Variants in RSPO3 observed in about 807,000 individuals in gnomAD.
The protein encoded by RSPO3 is R-spondin-3.
RSPO3 carries 17 observed loss-of-function variants against 36.5 expected under a neutral mutation model. That is an observed-to-expected ratio of 0.47 (90% CI 0.32 to 0.70). The LOEUF (loss-of-function observed/expected upper bound fraction) is 0.70. Among genes scored for constraint, RSPO3 ranks in the 30% least tolerant of loss-of-function variants. The pLI is 0.04. For synonymous variants in RSPO3, 108 were observed against 107.0 expected (o/e 1.01, Z -0.06); for missense variants, 294 against 322.5 (o/e 0.91, Z 0.68).
chr6:127,197,689 T>G lies in RSPO3; in HGVS notation c.*1682T>G. The G allele has an allele frequency of 1.4e-6, 1 of 739,934 alleles. No homozygotes were observed. 45.8% of individuals were successfully genotyped at this position (739,934 alleles called of 1,614,324 possible). On this transcript the variant is annotated 3_prime_UTR_variant, in exon 5 of 5. Coordinates refer to ENST00000356698, the MANE Select transcript of RSPO3 (RefSeq NM_032784.5). Reference sequence around the variant, plus strand: ...CACCCGTTCTCCACCAGTTGTACAGTTCATGTAATCTACTTGGCTTAATTG... The same window carrying G: ...CACCCGTTCTCCACCAGTTGTACAGGTCATGTAATCTACTTGGCTTAATTG...
At chr6:127,123,230 G>A (rs1269238882) in intron 1 of RSPO3, among the ~76,000 whole-genome samples, 1 of 152,046 alleles carries the variant, frequency 6.6e-6, no homozygotes, top group East Asian at 1.9e-4. Flanking sequence ...CAAGTTAACT[G>A]ATAAAATAGA....
intron 1 of RSPO3, among the ~76,000 whole-genome samples, chr6:127,147,837 G>A (rs1582794727): frequency 6.6e-6 from 1 of 152,156 alleles, no homozygotes; most frequent in African/African-American, 2.4e-5. Context: ...TAGAAGATAA[G>A]GGCACAGAAA....
At chr6:127,153,072 A>C (rs1774522385) in intron 3 of RSPO3, among the ~76,000 whole-genome samples, 1 of 152,134 alleles carries the variant, frequency 6.6e-6, no homozygotes, top group South Asian at 2.1e-4. Flanking sequence ...AGCATCTTGC[A>C]CTGATGATCA....
chr6:127,157,053 C>G (rs975024310), intron 4 of RSPO3, among the ~76,000 whole-genome samples: 4 of 152,076 alleles, frequency 2.6e-5, no homozygotes, highest in African/African-American at 9.7e-5. Flanking sequence ...TTGATTAAAA[C>G]TTAGTTTAAG....
At chr6:127,138,690 C>G (rs1168691197) in intron 1 of RSPO3, among the ~76,000 whole-genome samples, 1 of 152,014 alleles carries the variant, frequency 6.6e-6, no homozygotes. Flanking sequence ...ATGAGGAAAC[C>G]TAGGCTCAAA....
Position 127,119,103 on chromosome 6 carries a change from G to A in RSPO3, c.-90G>A. On this transcript the variant is annotated 5_prime_UTR_variant, in exon 1 of 5. Coordinates refer to ENST00000356698, the MANE Select transcript of RSPO3 (RefSeq NM_032784.5). ...CGCTGCTCGGGCACTGTCTATATAC[G>A]CCTAACACCTACATATATTTTAAAA... 1 of 1,015,160 alleles carries A rather than the reference G, an allele frequency of 9.9e-7. No homozygotes were observed. The highest frequency in any genetic ancestry group is 1.5e-6 in the Non-Finnish European group (1 of 668,350). 62.9% of individuals were successfully genotyped at this position (1,015,160 alleles called of 1,614,324 possible).
chr6:127,142,766 T>C (rs921590246), intron 1 of RSPO3, among the ~76,000 whole-genome samples: 4 of 152,120 alleles, frequency 2.6e-5, no homozygotes, highest in African/African-American at 7.2e-5. Context: ...CTTTAACATT[T>C]TTATTATTCT....
At chr6:127,123,771 A>C (rs1438335958) in intron 1 of RSPO3, among the ~76,000 whole-genome samples, 2 of 152,090 alleles carry the variant, frequency 1.3e-5, no homozygotes, top group Non-Finnish European at 2.9e-5. Context: ...TGAACTTGCA[A>C]ATAGATAAGC....
At chr6:127,194,680 T>C (rs2114281587) in intron 4 of RSPO3, among the ~76,000 whole-genome samples, 1 of 152,354 alleles carries the variant, frequency 6.6e-6, no homozygotes, top group South Asian at 2.1e-4. Flanking sequence ...AAAATTCAGT[T>C]CTTCAAGTGG....
At chr6:127,170,092 A>G (rs1309280103) in intron 4 of RSPO3, among the ~76,000 whole-genome samples, 3 of 151,734 alleles carry the variant, frequency 2.0e-5, no homozygotes, top group African/African-American at 7.3e-5. Flanking sequence ...AAAAAAGTTG[A>G]GGCTTAAAAA....
intron 1 of RSPO3, among the ~76,000 whole-genome samples, chr6:127,136,096 G>C (rs1774152022): frequency 6.6e-6 from 1 of 152,168 alleles, no homozygotes; most frequent in Non-Finnish European, 1.5e-5. Context: ...GTGGAGCCAA[G>C]AGTAGAAATA....
intron 4 of RSPO3, among the ~76,000 whole-genome samples, chr6:127,176,366 A>G (rs1411362859): frequency 6.6e-6 from 1 of 151,784 alleles, no homozygotes; most frequent in Non-Finnish European, 1.5e-5. Flanking sequence ...CTAAGCAGAA[A>G]AGGAAGCCAA....
intron 4 of RSPO3, among the ~76,000 whole-genome samples, chr6:127,158,086 G>A (rs1002971495): frequency 3.7e-4 from 56 of 151,442 alleles, no homozygotes; most frequent in African/African-American, 1.2e-3. Flanking sequence ...TAACCTAAAT[G>A]ATAAGAACCC....
At chr6:127,128,588 T>C (rs1263805759) in intron 1 of RSPO3, among the ~76,000 whole-genome samples, 1 of 152,068 alleles carries the variant, frequency 6.6e-6, no homozygotes, top group Non-Finnish European at 1.5e-5. Context: ...ACAGACAAAA[T>C]AGACGTATGT....
At chr6:127,187,454 T>C (rs995025373) in intron 4 of RSPO3, among the ~76,000 whole-genome samples, 2 of 152,106 alleles carry the variant, frequency 1.3e-5, no homozygotes, top group Non-Finnish European at 2.9e-5. Context: ...GCAAAAGTAA[T>C]GAATAATATT....
intron 4 of RSPO3, among the ~76,000 whole-genome samples, chr6:127,157,258 C>G (rs541881594): frequency 2.5e-4 from 38 of 152,186 alleles, no homozygotes; most frequent in African/African-American, 8.9e-4. Context: ...GGTCTTTGCT[C>G]ATATCATTCT....
chr6:127,187,112 G>A (rs899878243), intron 4 of RSPO3, among the ~76,000 whole-genome samples: 16 of 152,182 alleles, frequency 1.1e-4, no homozygotes, highest in Non-Finnish European at 1.5e-4. Context: ...CAGCGGGCAT[G>A]GTGGTGAGAT....
In RSPO3 at chr6:127,197,619, T is replaced by C; in HGVS notation, c.*1612T>C. On this transcript the variant is annotated 3_prime_UTR_variant, in exon 5 of 5. Transcript: ENST00000356698. ...TAGCCCTCTCAAGATCACTGCTTTC[T>C]GAAGAATTTGCAATGACTCTGGCTT... 1.4e-6 allele frequency: 2 copies of C among 1,444,870 alleles called. No homozygotes were observed. The highest frequency in any genetic ancestry group is 9.2e-7 in the Non-Finnish European group (1 of 1,089,926). 89.5% of individuals were successfully genotyped at this position (1,444,870 alleles called of 1,614,324 possible). A position where few individuals can be genotyped will look rare whatever the true frequency, so the allele number is the denominator to read the frequency against.
intron 1 of RSPO3, among the ~76,000 whole-genome samples, chr6:127,146,299 GAA>G (rs5879839): frequency 4.0e-5 from 6 of 149,834 alleles, no homozygotes; most frequent in East Asian, 3.9e-4. Context: ...GTCATTATAT[GAA>G]AAAAAAAAGG....
Sources: gnomAD v4.1 joint callset for allele counts (sites outside exome capture counted in the v4.1 genomes callset) on GRCh38, gnomAD v4.1.1 for gene constraint, MANE v1.5 for transcripts, NCBI Gene and HGNC (gene_info 2026-07-23, HGNC 2026-07-21) for gene names.